Variants in EML4 observed in about 807,000 individuals in gnomAD.
EML4 encodes EMAP like 4, also known as echinoderm microtubule-associated protein-like 4.
EML4 carries 72 observed loss-of-function variants against 129.0 expected under a neutral mutation model. That is an observed-to-expected ratio of 0.56 (90% CI 0.46 to 0.68). The LOEUF is 0.68. Ranked by LOEUF, EML4 falls within the 30% of genes least tolerant of loss-of-function variation. EML4 has a pLI of 0.00. For synonymous variants in EML4, 532 were observed against 405.0 expected, an observed-to-expected ratio of 1.31 and a Z score of -3.77; for missense variants, 1,363 against 1,190.6, an observed-to-expected ratio of 1.14 and a Z score of -2.13.
chr2:42,243,204 T>C (rs892936066), intron 1 of EML4, among the ~76,000 whole-genome samples: 5 of 152,124 alleles, frequency 3.3e-5, no homozygotes, highest in African/African-American at 1.2e-4. Flanking sequence ...CCAAGAAATA[T>C]GGTGGAGTTT....
At chr2:42,288,424 A>C (rs1297917555) in intron 11 of EML4, 102 bp downstream of exon 11, 1 of 523,342 alleles carries the variant, frequency 1.9e-6, no homozygotes, top group Admixed American at 3.4e-5. Flanking sequence ...CGTAAGTCGC[A>C]AAAGCAGATC....
chr2:42,203,153 T>G (rs868344854), intron 1 of EML4, among the ~76,000 whole-genome samples: 1 of 152,250 alleles, frequency 6.6e-6, no homozygotes, highest in African/African-American at 2.4e-5. Context: ...TGGCCTGATT[T>G]GGCCACTCTA....
chr2:42,268,394 TG>T (rs1666184499), intron 6 of EML4, among the ~76,000 whole-genome samples: 1 of 152,192 alleles, frequency 6.6e-6, no homozygotes, highest in African/African-American at 2.4e-5. Context: ...CTAGAACCAG[TG>T]TCCCATGGAA....
At chr2:42,255,813 G>T (rs1676106633) in intron 2 of EML4, among the ~76,000 whole-genome samples, 1 of 152,130 alleles carries the variant, frequency 6.6e-6, no homozygotes, top group African/African-American at 2.4e-5. Context: ...CAAAAATGCA[G>T]TGTTATACCA....
intron 17 of EML4, among the ~76,000 whole-genome samples, chr2:42,310,389 G>C (rs1668869686): frequency 6.6e-6 from 1 of 151,054 alleles, no homozygotes; most frequent in South Asian, 2.1e-4. Context: ...CTGTCTCCCA[G>C]GCTGGAGTGC....
chr2:42,266,125 T>C (rs1235392403), intron 6 of EML4, among the ~76,000 whole-genome samples: 1 of 152,228 alleles, frequency 6.6e-6, no homozygotes, highest in Admixed American at 6.5e-5. Context: ...TGTGGATTTT[T>C]ACTTCTTTCG....
intron 1 of EML4, among the ~76,000 whole-genome samples, chr2:42,210,919 A>T (rs939258455): frequency 6.6e-6 from 1 of 152,198 alleles, no homozygotes; most frequent in Non-Finnish European, 1.5e-5. Flanking sequence ...TATGGAAAAT[A>T]CTTGTGTTTA....
intron 11 of EML4, among the ~76,000 whole-genome samples, chr2:42,292,241 A>G (rs985225557): frequency 7.2e-5 from 11 of 152,238 alleles, no homozygotes; most frequent in African/African-American, 2.7e-4. Flanking sequence ...ACTATTTGAC[A>G]TAACCTAAAG....
intron 1 of EML4, among the ~76,000 whole-genome samples, chr2:42,207,233 A>G (rs1672611027): frequency 1.3e-5 from 2 of 152,210 alleles, no homozygotes; most frequent in Admixed American, 1.3e-4. Flanking sequence ...AATACAACCA[A>G]AACTTTTATA....
chr2:42,275,570 C>T (rs1666609529), intron 6 of EML4, among the ~76,000 whole-genome samples: 1 of 152,192 alleles, frequency 6.6e-6, no homozygotes, highest in Admixed American at 6.5e-5. Context: ...CCTTTATGAA[C>T]AATATCCTAC....
intron 17 of EML4, among the ~76,000 whole-genome samples, chr2:42,306,879 C>A (rs1021248375): frequency 6.6e-6 from 1 of 152,042 alleles, no homozygotes; most frequent in Non-Finnish European, 1.5e-5. Flanking sequence ...GACAGGAAAC[C>A]AAGACCCATA....
chr2:42,220,434 C>G (rs1673514185), intron 1 of EML4, among the ~76,000 whole-genome samples: 3 of 151,980 alleles, frequency 2.0e-5, no homozygotes, highest in Admixed American at 1.3e-4. Flanking sequence ...TTTGATGTTA[C>G]TGTTGTAATT....
At chr2:42,197,605 G>T (rs995295437) in intron 1 of EML4, among the ~76,000 whole-genome samples, 2 of 151,670 alleles carry the variant, frequency 1.3e-5, no homozygotes, top group Non-Finnish European at 1.5e-5. Context: ...AACATAAATT[G>T]TGAATCTGTT....
chr2:42,267,584 C>T lies in EML4; in HGVS notation c.667+2853C>T, dbSNP rs1666131229. ...ATACTTTACCTGAAAGGCCTGTGTC[C>T]TTCAGACAGAGCAGAGTAGGAGAAA... On this transcript the variant is annotated intron_variant, in intron 6 of 22. Coordinates refer to ENST00000318522, the MANE Select transcript of EML4 (RefSeq NM_019063.5). Among the ~76,000 whole-genome samples the T allele has an allele frequency of 2.0e-5, 3 of 152,152 alleles. No individual in the cohort carries two copies. In the South Asian group the frequency reaches 6.2e-4, roughly 32 times the overall value.
chr2:42,325,581 A>C (rs1302183489), intron 20 of EML4, 27 bp downstream of exon 20: 1 of 415,124 alleles, frequency 2.4e-6, no homozygotes, highest in Non-Finnish European at 4.1e-6. Flanking sequence ...TTATATATAT[A>C]TATATATGCT....
intron 1 of EML4, among the ~76,000 whole-genome samples, chr2:42,180,746 A>G (rs1558478449): frequency 6.6e-6 from 1 of 152,272 alleles, no homozygotes; most frequent in Non-Finnish European, 1.5e-5. Context: ...TTGATACATT[A>G]CTAATTCTCA....
chr2:42,317,806 T>A (rs571816772), intron 19 of EML4, among the ~76,000 whole-genome samples: 1 of 152,314 alleles, frequency 6.6e-6, no homozygotes, highest in Admixed American at 6.5e-5. Context: ...GAATAACACT[T>A]TTTGAAAATT....
At chr2:42,243,575 G>C (rs1675178052) in intron 1 of EML4, among the ~76,000 whole-genome samples, 1 of 152,120 alleles carries the variant, frequency 6.6e-6, no homozygotes, top group South Asian at 2.1e-4. Flanking sequence ...ACTTGCCTAA[G>C]ATTATGTAAC....
chr2:42,198,606 A>G (rs1672036150), intron 1 of EML4, among the ~76,000 whole-genome samples: 1 of 152,150 alleles, frequency 6.6e-6, no homozygotes, highest in African/African-American at 2.4e-5. Flanking sequence ...GGGGAGGAAT[A>G]TTTCTACCTG....
Sources: allele counts gnomAD v4.1 joint callset (sites outside exome capture counted in the v4.1 genomes callset), GRCh38; gene constraint gnomAD v4.1.1; transcripts MANE v1.5; gene names NCBI Gene and HGNC (gene_info 2026-07-23, HGNC 2026-07-21).